The following PPP1R21 variants were observed in gnomAD, a reference collection of about 807,000 sequenced individuals.
The protein encoded by PPP1R21 is KLRAQ motif containing 1.
A neutral mutation model predicts 112.8 loss-of-function variants in PPP1R21; 85 were observed. The ratio of observed to expected loss-of-function variants is 0.75; its 90% CI spans 0.63 to 0.90. The LOEUF (loss-of-function observed/expected upper bound fraction) is 0.90, where lower values mean the gene tolerates loss of function less well. PPP1R21 is among the 40% of genes least tolerant of loss of function. The pLI, the probability that PPP1R21 is intolerant of heterozygous loss-of-function variation, is 0.00. For synonymous variants in PPP1R21, 381 were observed against 322.3 expected (o/e 1.18, Z -1.95); for missense variants, 1,199 against 901.5 (o/e 1.33, Z -4.23).
Position 48,486,737 on chromosome 2 carries a change from A to G in PPP1R21, c.1425A>G (p.Ala475=). 2 of 1,613,624 alleles carry G rather than the reference A, an allele frequency of 1.2e-6. No individual in the cohort carries two copies. The highest frequency in any genetic ancestry group is 8.5e-7 in the Non-Finnish European group (1 of 1,179,794). ...ACTGTATCCTGTCATCAGTAGTGGC[A>G]TTAACAAATGGAGCAGGAAAGGTAA... is the stretch of plus-strand genomic sequence containing the variant. ...TNDCILSSVV[A]LTNGAGKIAS... is the part of the protein sequence containing the mutation. Residue 475 remains alanine (A), a synonymous_variant, in exon 14 of 22, where the codon GCA becomes GCG. Coordinates refer to ENST00000294952, the MANE Select transcript of PPP1R21 (RefSeq NM_001135629.3).
At chr2:48,494,313 A>G (rs1207557080) in intron 15 of PPP1R21, among the ~76,000 whole-genome samples, 1 of 150,434 alleles carries the variant, frequency 6.6e-6, no homozygotes, top group Non-Finnish European at 1.5e-5. Context: ...TGCCTAACCT[A>G]CCAACCATCA....
At chr2:48,503,952 CAAAA>C (rs11389758) in intron 17 of PPP1R21, among the ~76,000 whole-genome samples, 1 of 135,746 alleles carries the variant, frequency 7.4e-6, no homozygotes, top group Non-Finnish European at 1.6e-5. Context: ...GACTATGTCT[CAAAA>C]AAAAAAAAAA....
intron 17 of PPP1R21, chr2:48,501,997 T>C (rs1336120229): frequency 6.6e-6 from 1 of 152,164 alleles, no homozygotes; most frequent in Non-Finnish European, 1.5e-5. Context: ...TCGTTCCAAT[T>C]TTAGTACATG....
At chr2:48,504,325 G>A (rs1670271793) in intron 17 of PPP1R21, among the ~76,000 whole-genome samples, 3 of 152,170 alleles carry the variant, frequency 2.0e-5, no homozygotes, top group Non-Finnish European at 4.4e-5. Flanking sequence ...CAATACTCCA[G>A]AGGAAATTAT....
chr2:48,505,656 C>A, intron 18 of PPP1R21, 60 bp downstream of exon 18: 1 of 1,335,984 alleles, frequency 7.5e-7, no homozygotes, highest in Non-Finnish European at 1.1e-6. Flanking sequence ...TGTTTGTTGA[C>A]AAAGTCCTGC....
In PPP1R21 at chr2:48,514,916, A is replaced by C; in HGVS notation, c.*172A>C. The C allele has an allele frequency of 3.4e-6, 2 of 596,392 alleles. No individual in the cohort carries two copies. Among genetic ancestry groups the C allele is most frequent in the African/African-American group, 1.9e-5 (1 of 53,724 alleles). 36.9% of individuals were successfully genotyped at this position (596,392 alleles called of 1,614,324 possible). A position where few individuals can be genotyped will look rare whatever the true frequency, so the allele number is the denominator to read the frequency against. On this transcript the variant is annotated 3_prime_UTR_variant, in exon 22 of 22. Coordinates refer to ENST00000294952, the MANE Select transcript of PPP1R21 (RefSeq NM_001135629.3). Reference sequence around the variant, plus strand: ...TTGAAATATTTAAAACATATTTGTAACCAGTGAGGCAAATACAGAAGTTGA... The same window carrying C: ...TTGAAATATTTAAAACATATTTGTACCCAGTGAGGCAAATACAGAAGTTGA...
In PPP1R21 at chr2:48,479,996, G is replaced by C. The variant is rs1668937582; in HGVS notation, c.1298G>C (p.Gly433Ala). ...ACAAATGTTGGTGCTGCTCTGCATG[G>C]ATTTCATGACGTTATGAAAGGTAGG... ...VLTNVGAALH[G>A]FHDVMKDISK... Residue 433 changes from glycine (G) to alanine (A), a missense_variant, in exon 13 of 22, where the codon GGA becomes GCA. Gly to Ala is a moderately conservative substitution (Grantham distance 60). Transcript: ENST00000294952. 6.2e-7 allele frequency: 1 copy of C among 1,612,214 alleles called. No individual in the cohort carries two copies. Among genetic ancestry groups the C allele is most frequent in the Non-Finnish European group, 8.5e-7 (1 of 1,178,288 alleles).
rs1287577317 is a variant in PPP1R21 at position 48,457,482 on chromosome 2, T to C, written c.274-644T>C. The stretch of plus-strand genomic sequence containing the variant: ...TGTTCCTTGAATAGTCTCAGTTCTA[T>C]GTATTACATGAAAACAAATACTCAT... On this transcript the variant is annotated intron_variant, in intron 3 of 21. Transcript: ENST00000294952. Among the ~76,000 whole-genome samples the C allele has an allele frequency of 3.3e-5, 5 of 152,308 alleles. No individual in the cohort carries two copies. In the East Asian group the frequency reaches 7.7e-4, roughly 23 times the overall value.
intron 1 of PPP1R21, among the ~76,000 whole-genome samples, chr2:48,449,776 T>TA (rs1219305560): frequency 5.6e-4 from 85 of 151,694 alleles, no homozygotes; most frequent in African/African-American, 1.9e-3. Context: ...TTTTTTTTTT[T>TA]AAAGCTCACA....
At chr2:48,501,807 T>C (rs1670127941) in intron 17 of PPP1R21, 1 of 151,026 alleles carries the variant, frequency 6.6e-6, no homozygotes, top group Non-Finnish European at 1.5e-5. Flanking sequence ...AGGCCTTGAC[T>C]CTAAAAAAAA....
chr2:48,446,743 T>C (rs1437632530), intron 1 of PPP1R21, among the ~76,000 whole-genome samples: 1 of 152,080 alleles, frequency 6.6e-6, no homozygotes, highest in East Asian at 1.9e-4. Flanking sequence ...AGGTGGGAAA[T>C]GAATACAGAA....
At chr2:48,502,665 T>C (rs1334525494) in intron 17 of PPP1R21, among the ~76,000 whole-genome samples, 4 of 149,218 alleles carry the variant, frequency 2.7e-5, no homozygotes, top group South Asian at 2.1e-4. Context: ...TAACCTCAGA[T>C]AGAAACTTTT....
intron 21 of PPP1R21, among the ~76,000 whole-genome samples, chr2:48,514,073 C>CTTTT (rs1225415838): frequency 3.9e-4 from 35 of 89,868 alleles, no homozygotes; most frequent in Middle Eastern, 8.1e-3. Context: ...GAGACATGTT[C>CTTTT]TTTTTTTTTT....
chr2:48,485,881 GTATATACTAACTAATATATACAAT>G (rs1558487775), intron 13 of PPP1R21, among the ~76,000 whole-genome samples: 11 of 1,802 alleles, frequency 6.1e-3, no homozygotes, highest in African/African-American at 0.026. Context: ...ATATACAATT[GTATATACTAACTAATATATACAAT>G]TGTATATACT....
At chr2:48,441,774 A>G (rs573203499) in intron 1 of PPP1R21, among the ~76,000 whole-genome samples, 3 of 152,332 alleles carry the variant, frequency 2.0e-5, no homozygotes, top group Non-Finnish European at 4.4e-5. Context: ...CTAGTTTAAG[A>G]ATATTTTAAT....
At chr2:48,507,175 A>C in intron 18 of PPP1R21, 94 bp from the exon 19 acceptor site, 1 of 1,404,546 alleles carries the variant, frequency 7.1e-7, no homozygotes, top group Non-Finnish European at 9.2e-7. Flanking sequence ...TTCAAGTGAG[A>C]ATGTACAAAA....
intron 2 of PPP1R21, among the ~76,000 whole-genome samples, chr2:48,453,579 A>G (rs1459546925): frequency 2.0e-5 from 3 of 152,214 alleles, no homozygotes; most frequent in East Asian, 1.9e-4. Flanking sequence ...AGTAAAATAT[A>G]GTTAGAATAA....
rs757525422 is a variant in PPP1R21 at position 48,440,948 on chromosome 2, G to A, written c.-6G>A. The A allele has an allele frequency of 5.0e-6, 8 of 1,607,208 alleles. No individual in the cohort carries two copies. Among genetic ancestry groups the A allele is most frequent in the East Asian group, 2.2e-5 (1 of 44,682 alleles). ...GCGGCCTGGCCTGTACGGGGCGGGG[G>A]AGGCCATGGCCTCGGCTGAGTTGCA... On this transcript the variant is annotated 5_prime_UTR_variant, in exon 1 of 22. Transcript: ENST00000294952.
Position 48,487,691 on chromosome 2 carries a change from G to T in PPP1R21, c.1446+933G>T, listed in dbSNP as rs569534358. Among the ~76,000 whole-genome samples the T allele has an allele frequency of 3.3e-5, 5 of 150,872 alleles. No homozygotes were observed. In the South Asian group the frequency reaches 6.3e-4, roughly 19 times the overall value. On this transcript the variant is annotated intron_variant, in intron 14 of 21. Transcript: ENST00000294952. Reference sequence around the variant, plus strand: ...TAGGAGGATTGCTTGAGCCCAGGAGGTTGAGGCTGCAGTGAGCCGTGTGTG... The same window carrying T: ...TAGGAGGATTGCTTGAGCCCAGGAGTTTGAGGCTGCAGTGAGCCGTGTGTG...
Sources: gnomAD v4.1 joint callset for allele counts (sites outside exome capture counted in the v4.1 genomes callset) on GRCh38, gnomAD v4.1.1 for gene constraint, MANE v1.5 for transcripts, NCBI Gene and HGNC (gene_info 2026-07-23, HGNC 2026-07-21) for gene names.